Variants in EPHA5 observed in about 807,000 individuals in gnomAD.
EPHA5 encodes the protein ephrin type-A receptor 5.
Under a neutral mutation model 105.0 loss-of-function variants are expected in EPHA5, and 60 were observed. The ratio of observed to expected loss-of-function variants is 0.57; its 90% confidence interval spans 0.46 to 0.71. The LOEUF is 0.71. Ranked by LOEUF, EPHA5 falls within the 30% of genes least tolerant of loss-of-function variation. EPHA5 has a pLI of 0.00. For synonymous variants in EPHA5, 513 were observed against 449.1 expected (o/e 1.14, Z -1.80); for missense variants, 1,218 against 1,274.7 (o/e 0.96, Z 0.68).
chr4:65,453,823 AC>A (rs1727299219), intron 5 of EPHA5, among the ~76,000 whole-genome samples: 1 of 152,046 alleles, frequency 6.6e-6, no homozygotes. Flanking sequence ...CTGTCAAGTC[AC>A]CCACTTTTCC....
chr4:65,554,795 T>C (rs1469107915), intron 3 of EPHA5, among the ~76,000 whole-genome samples: 1 of 151,616 alleles, frequency 6.6e-6, no homozygotes, highest in Non-Finnish European at 1.5e-5. Flanking sequence ...TAGTGAGAAT[T>C]TATCCTATGT....
At chr4:65,645,481 T>C (rs1445176769) in intron 1 of EPHA5, among the ~76,000 whole-genome samples, 3 of 152,120 alleles carry the variant, frequency 2.0e-5, no homozygotes, top group African/African-American at 7.2e-5. Context: ...CAGCCTACCA[T>C]GAGAAACACA....
chr4:65,514,929 C>T (rs1203501699), intron 3 of EPHA5, among the ~76,000 whole-genome samples: 6 of 152,130 alleles, frequency 3.9e-5, no homozygotes, highest in Non-Finnish European at 1.5e-5. Flanking sequence ...CTACCTCAGC[C>T]AATATTTCCT....
At chr4:65,663,129 G>T (rs1749686958) in intron 1 of EPHA5, among the ~76,000 whole-genome samples, 1 of 152,082 alleles carries the variant, frequency 6.6e-6, no homozygotes, top group Non-Finnish European at 1.5e-5. Flanking sequence ...CTACAGAAAA[G>T]TTTAATTATG....
chr4:65,340,022 T>C (rs764961876), intron 14 of EPHA5, among the ~76,000 whole-genome samples: 6 of 152,158 alleles, frequency 3.9e-5, no homozygotes, highest in Non-Finnish European at 8.8e-5. Context: ...GCTGATAAAT[T>C]TGTAACAACT....
At chr4:65,514,404 T>A (rs1323011695) in intron 3 of EPHA5, among the ~76,000 whole-genome samples, 1 of 152,198 alleles carries the variant, frequency 6.6e-6, no homozygotes, top group Non-Finnish European at 1.5e-5. Context: ...TTCATCAGCA[T>A]CTTGAAGATA....
At chr4:65,520,655 T>G (rs1210084331) in intron 3 of EPHA5, among the ~76,000 whole-genome samples, 2 of 152,002 alleles carry the variant, frequency 1.3e-5, no homozygotes, top group African/African-American at 2.4e-5. Context: ...ATCCAGAATC[T>G]ACAAAGAACT....
rs184240509 is a variant in EPHA5, at chr4:65,548,688, A to G, written c.910+52953T>C. 3.9e-4 allele frequency among the ~76,000 whole-genome samples: 59 copies of G among 152,274 alleles called. 1 individual carries two copies. Among genetic ancestry groups the G allele is most frequent in the Middle Eastern group, 3.4e-3 (1 of 294 alleles). On this transcript the variant is annotated intron_variant, in intron 3 of 16. Coordinates refer to ENST00000613740, the MANE Select transcript of EPHA5 (RefSeq NM_001281766.3). ...TGTGTTTGTTCTGGACTATTTTTAC[A>G]TGAATATCCATATAACACTTAGCCT...
At chr4:65,642,667 G>T (rs1274304692) in intron 2 of EPHA5, among the ~76,000 whole-genome samples, 1 of 151,864 alleles carries the variant, frequency 6.6e-6, no homozygotes, top group Non-Finnish European at 1.5e-5. Context: ...GTAAAGGACT[G>T]ATTCACACAT....
At chr4:65,581,945 T>G (rs1741666726) in intron 3 of EPHA5, among the ~76,000 whole-genome samples, 2 of 151,766 alleles carry the variant, frequency 1.3e-5, no homozygotes, top group Admixed American at 1.3e-4. Flanking sequence ...CAGGAAGTAT[T>G]CATGTTTTAA....
chr4:65,605,640 T>C (rs1181763216), intron 2 of EPHA5, among the ~76,000 whole-genome samples: 1 of 152,144 alleles, frequency 6.6e-6, no homozygotes, highest in East Asian at 1.9e-4. Context: ...TATGTTTCTA[T>C]TTATCTTGAT....
intron 2 of EPHA5, among the ~76,000 whole-genome samples, chr4:65,631,862 G>A (rs1332325851): frequency 1.3e-5 from 2 of 151,952 alleles, no homozygotes; most frequent in Middle Eastern, 3.4e-3. Flanking sequence ...GAAAATATTG[G>A]CATTAATTTA....
chr4:65,410,840 G>C (rs1173317244), intron 7 of EPHA5, among the ~76,000 whole-genome samples: 2 of 152,146 alleles, frequency 1.3e-5, no homozygotes, highest in Non-Finnish European at 2.9e-5. Flanking sequence ...GATATAGTTA[G>C]ATAAAAGGAA....
At chr4:65,500,534 T>A (rs542798633) in intron 3 of EPHA5, among the ~76,000 whole-genome samples, 1 of 148,430 alleles carries the variant, frequency 6.7e-6, no homozygotes, top group South Asian at 2.1e-4. Context: ...GTTTAAAGAT[T>A]CTCAAAATTA....
intron 8 of EPHA5, among the ~76,000 whole-genome samples, chr4:65,390,313 C>T (rs953694455): frequency 6.6e-6 from 1 of 151,994 alleles, no homozygotes; most frequent in Non-Finnish European, 1.5e-5. Flanking sequence ...CTAGAGACCT[C>T]TTCTATAAGC....
At position 65,574,441 on chromosome 4, in the gene EPHA5, A is replaced by G. The variant is rs891350039; in HGVS notation, c.910+27200T>C. 5.3e-5 allele frequency: 21 copies of G among 393,106 alleles called. No homozygotes were observed. The South Asian group carries it at 6.4e-4, about 12-fold the overall frequency. The allele number at this position is 393,106 out of a possible 1,614,324, so 24.4% of individuals were successfully genotyped here. On this transcript the variant is annotated intron_variant, in intron 3 of 16. Transcript: ENST00000613740. ...TCAAATACATGTATTCATACTCTTG[A>G]GGCTCTACATTAAGAAAATAATTAT... is the stretch of plus-strand genomic sequence containing the variant.
intron 5 of EPHA5, among the ~76,000 whole-genome samples, chr4:65,468,376 G>A (rs183683296): frequency 1.1e-4 from 17 of 150,504 alleles, no homozygotes; most frequent in African/African-American, 3.7e-4. Flanking sequence ...AAAGATTCTA[G>A]GGCAGAACTT....
At chr4:65,329,285 A>G (rs969735064) in intron 16 of EPHA5, among the ~76,000 whole-genome samples, 9 of 151,340 alleles carry the variant, frequency 5.9e-5, no homozygotes, top group African/African-American at 2.2e-4. Flanking sequence ...CACATCTAAG[A>G]TTGAAAGCCA....
In EPHA5 at chr4:65,601,993, A is replaced by G. The variant is rs1452570699; in HGVS notation, c.558T>C (p.Leu186=). ...GTTTCATAACACGGTCACCAAGATCAAGTTCTGTAAAGCTTTCATCGGCAG... is the reference window on the plus strand; with the variant it reads ...GTTTCATAACACGGTCACCAAGATCGAGTTCTGTAAAGCTTTCATCGGCAG... The part of the protein sequence containing the change: ...TIAADESFTE[L]DLGDRVMKLN... Residue 186 remains leucine, a synonymous_variant, in exon 3 of 17, where the codon CTT becomes CTC. Coordinates refer to ENST00000613740, the MANE Select transcript of EPHA5 (RefSeq NM_001281766.3). The G allele has an allele frequency of 2.5e-6, 4 of 1,614,032 alleles. No homozygotes were observed. The African/African-American group carries it at 5.3e-5, about 22-fold the overall frequency.
Sources: gnomAD v4.1 joint callset for allele counts (sites outside exome capture counted in the v4.1 genomes callset) on GRCh38, gnomAD v4.1.1 for gene constraint, MANE v1.5 for transcripts, NCBI Gene and HGNC (gene_info 2026-07-23, HGNC 2026-07-21) for gene names.